Variants in FRAS1 observed in about 807,000 individuals in gnomAD.
The protein encoded by FRAS1 is extracellular matrix organizing protein FRAS1.
Under a neutral mutation model 435.2 loss-of-function variants are expected in FRAS1, and 290 were observed. The ratio of observed to expected loss-of-function variants is 0.67; its 90% confidence interval spans 0.61 to 0.73. FRAS1 has a LOEUF of 0.73. Among genes scored for constraint, FRAS1 ranks in the 30% least tolerant of loss-of-function variants. FRAS1 has a pLI of 0.00. For synonymous variants in FRAS1, 1,800 were observed against 1,851.0 expected (o/e 0.97, Z 0.71); for missense variants, 4,860 against 5,001.5 (o/e 0.97, Z 0.85).
chr4:78,233,037 A>T (rs1724582305), intron 2 of FRAS1, among the ~76,000 whole-genome samples: 1 of 152,232 alleles, frequency 6.6e-6, no homozygotes, highest in Non-Finnish European at 1.5e-5. Context: ...CCATGTTCTT[A>T]GAAGATACTG....
At chr4:78,173,675 C>A (rs979056279) in intron 2 of FRAS1, among the ~76,000 whole-genome samples, 3 of 152,224 alleles carry the variant, frequency 2.0e-5, no homozygotes, top group Non-Finnish European at 1.5e-5. Flanking sequence ...TCTTACTCAA[C>A]TCACGTCTTT....
intron 18 of FRAS1, among the ~76,000 whole-genome samples, chr4:78,326,856 A>G (rs1242253140): frequency 1.3e-5 from 2 of 152,160 alleles, no homozygotes; most frequent in South Asian, 4.2e-4. Context: ...TCATCCATCT[A>G]TCCACCCCCA....
intron 2 of FRAS1, among the ~76,000 whole-genome samples, chr4:78,103,369 A>C (rs1208185091): frequency 6.6e-6 from 1 of 152,196 alleles, no homozygotes; most frequent in Non-Finnish European, 1.5e-5. Flanking sequence ...CACCCTGGAC[A>C]AGTGTCTTTC....
chr4:78,103,434 G>A (rs565221223), intron 2 of FRAS1, among the ~76,000 whole-genome samples: 19 of 152,282 alleles, frequency 1.2e-4, no homozygotes, highest in African/African-American at 4.3e-4. Context: ...CCTCCTCAGA[G>A]GTGGGGTGTG....
chr4:78,171,426 T>A (rs1042552313), intron 2 of FRAS1, among the ~76,000 whole-genome samples: 1 of 152,148 alleles, frequency 6.6e-6, no homozygotes, highest in African/African-American at 2.4e-5. Context: ...GTATAATGTT[T>A]TAATGATTTT....
chr4:78,360,586 C>T lies in FRAS1; in HGVS notation c.2423-2927C>T, dbSNP rs149853829. ...TGAAATAAAAACAGGAATAGATAGA[C>T]GTTTTGAGGTGAAAGGAATGAATCC... On this transcript the variant is annotated intron_variant, in intron 20 of 73. Transcript: ENST00000512123. 2.6e-3 allele frequency among the ~76,000 whole-genome samples: 400 copies of T among 152,172 alleles called. 1 individual carries two copies. Among genetic ancestry groups the T allele is most frequent in the Middle Eastern group, 0.014 (4 of 294 alleles).
intron 4 of FRAS1, among the ~76,000 whole-genome samples, chr4:78,245,838 T>C (rs1725216388): frequency 6.6e-6 from 1 of 152,180 alleles, no homozygotes; most frequent in African/African-American, 2.4e-5. Context: ...GCCTTGGCAT[T>C]TTAAGCTTTG....
At chr4:78,100,928 C>A (rs1336497986) in intron 2 of FRAS1, among the ~76,000 whole-genome samples, 1 of 152,162 alleles carries the variant, frequency 6.6e-6, no homozygotes, top group Admixed American at 6.5e-5. Context: ...AGCCCACTGT[C>A]TTTCCACCTT....
At chr4:78,087,376 G>A (rs895920335) in intron 2 of FRAS1, among the ~76,000 whole-genome samples, 46 of 152,084 alleles carry the variant, frequency 3.0e-4, no homozygotes, top group Non-Finnish European at 5.6e-4. Flanking sequence ...AGACAGGGAT[G>A]CCCTCTCTCA....
chr4:78,064,612 G>GA (rs991071710), intron 1 of FRAS1, among the ~76,000 whole-genome samples: 29 of 136,086 alleles, frequency 2.1e-4, no homozygotes, highest in Admixed American at 2.9e-4. Context: ...TGTATACCAA[G>GA]AAAAAAAAAA....
chr4:78,510,090 CA>C (rs1234589561), intron 63 of FRAS1, among the ~76,000 whole-genome samples: 2 of 152,150 alleles, frequency 1.3e-5, no homozygotes, highest in Non-Finnish European at 2.9e-5. Context: ...TAACCTAGTT[CA>C]AATTTAAATA....
chr4:78,193,523 T>C (rs1448931650), intron 2 of FRAS1, among the ~76,000 whole-genome samples: 4 of 152,254 alleles, frequency 2.6e-5, no homozygotes, highest in African/African-American at 4.8e-5. Flanking sequence ...TACCATTATG[T>C]AGTGGCCTTC....
chr4:78,077,713 A>G lies in FRAS1; in HGVS notation c.108+11697A>G, dbSNP rs1270688664. ...GTGATATTTGTCTGTCTGTGTCTCA[A>G]TTGTTTCACTTATAAACAGAAAGCA... On this transcript the variant is annotated intron_variant, in intron 2 of 73. Transcript: ENST00000512123. Among the ~76,000 whole-genome samples, 5 of 152,130 alleles carry G rather than the reference A, an allele frequency of 3.3e-5. No individual in the cohort carries two copies. The South Asian group carries it at 6.2e-4, about 19-fold the overall frequency.
intron 2 of FRAS1, among the ~76,000 whole-genome samples, chr4:78,174,856 G>A (rs1420979513): frequency 6.6e-6 from 1 of 152,204 alleles, no homozygotes; most frequent in Non-Finnish European, 1.5e-5. Context: ...TGGGATGAAT[G>A]TTTTCATTTG....
chr4:78,245,578 A>G (rs1408622890), intron 4 of FRAS1, among the ~76,000 whole-genome samples: 1 of 152,206 alleles, frequency 6.6e-6, no homozygotes, highest in Non-Finnish European at 1.5e-5. Flanking sequence ...GATGCTGAAT[A>G]GTAAAAGTAC....
intron 18 of FRAS1, among the ~76,000 whole-genome samples, chr4:78,321,923 T>A (rs1394097983): frequency 2.0e-5 from 3 of 152,094 alleles, no homozygotes; most frequent in Non-Finnish European, 4.4e-5. Context: ...AATTGACCTC[T>A]TGAGTCCCTT....
At chr4:78,088,416 A>G (rs942399737) in intron 2 of FRAS1, among the ~76,000 whole-genome samples, 1 of 151,720 alleles carries the variant, frequency 6.6e-6, no homozygotes, top group African/African-American at 2.4e-5. Context: ...ACAAAAGCCA[A>G]AATTGACAAA....
intron 60 of FRAS1, among the ~76,000 whole-genome samples, chr4:78,498,719 A>G (rs1352178354): frequency 6.6e-6 from 1 of 152,118 alleles, no homozygotes; most frequent in East Asian, 1.9e-4. Flanking sequence ...TATAAAAGTT[A>G]TCATTACTCT....
intron 2 of FRAS1, among the ~76,000 whole-genome samples, chr4:78,094,362 A>G (rs977404229): frequency 1.3e-5 from 2 of 152,032 alleles, no homozygotes; most frequent in Non-Finnish European, 2.9e-5. Context: ...ACTGAATTAA[A>G]GTCACAGGCA....
Sources: gnomAD v4.1 joint callset for allele counts (sites outside exome capture counted in the v4.1 genomes callset) on GRCh38, gnomAD v4.1.1 for gene constraint, MANE v1.5 for transcripts, NCBI Gene and HGNC (gene_info 2026-07-23, HGNC 2026-07-21) for gene names.